GPR141: variants seen among roughly 807,000 people sequenced by gnomAD.
GPR141 encodes the protein probable G protein-coupled receptor 141.
GPR141 carries 6 observed loss-of-function variants against 6.8 expected under a neutral mutation model. That is an observed-to-expected ratio of 0.88 (90% CI 0.48 to 1.74). GPR141 has a LOEUF of 1.74. Among genes scored for constraint, GPR141 ranks in the 40% most tolerant of loss-of-function variants. The pLI, the probability that GPR141 is intolerant of heterozygous loss-of-function variation, is 0.01. For synonymous variants in GPR141, 140 were observed against 142.3 expected (o/e 0.98, Z 0.11); for missense variants, 372 against 372.9 (o/e 1.00, Z 0.02).
chr7:37,709,584 A>C (rs1486201932), intron 2 of GPR141: 1 of 152,260 alleles, frequency 6.6e-6, no homozygotes, highest in Non-Finnish European at 1.5e-5. Context: ...TCTAATGAGC[A>C]ACATCACCTT....
chr7:37,688,039 T>C (rs1809588798), intron 2 of GPR141, among the ~76,000 whole-genome samples: 1 of 152,154 alleles, frequency 6.6e-6, no homozygotes, highest in African/African-American at 2.4e-5. Context: ...AGCTTGGCTG[T>C]GATCAGATAA....
At chr7:37,696,153 A>C (rs1283566276) in intron 2 of GPR141, among the ~76,000 whole-genome samples, 1 of 152,188 alleles carries the variant, frequency 6.6e-6, no homozygotes, top group Non-Finnish European at 1.5e-5. Flanking sequence ...ACAGACTCTG[A>C]ATCTTGAGTT....
intron 2 of GPR141, among the ~76,000 whole-genome samples, chr7:37,699,944 G>A (rs1810205665): frequency 1.3e-5 from 2 of 152,188 alleles, no homozygotes; most frequent in South Asian, 4.1e-4. Flanking sequence ...GGCCAAAGTG[G>A]TTATTGAATA....
intron 2 of GPR141, among the ~76,000 whole-genome samples, chr7:37,725,852 C>A (rs1221645273): frequency 4.8e-5 from 7 of 144,546 alleles, no homozygotes; most frequent in South Asian, 2.2e-4. Context: ...TTTTTTTTTT[C>A]CTTCCTGCCT....
intron 2 of GPR141, among the ~76,000 whole-genome samples, chr7:37,726,093 T>C (rs983066219): frequency 3.3e-5 from 5 of 152,170 alleles, no homozygotes; most frequent in African/African-American, 1.2e-4. Flanking sequence ...TGGAAACCAA[T>C]GGGTGTTTTA....
intron 2 of GPR141, among the ~76,000 whole-genome samples, chr7:37,732,480 T>C (rs1812015720): frequency 6.6e-6 from 1 of 152,104 alleles, no homozygotes; most frequent in African/African-American, 2.4e-5. Context: ...GCAGATCATC[T>C]GAAAGTCTTG....
chr7:37,695,094 T>G (rs1374597167), intron 2 of GPR141, among the ~76,000 whole-genome samples: 1 of 152,190 alleles, frequency 6.6e-6, no homozygotes, highest in Non-Finnish European at 1.5e-5. Flanking sequence ...CAGCTTCAGC[T>G]TTAGCTCCAG....
At chr7:37,726,268 A>G (rs1811620236) in intron 2 of GPR141, among the ~76,000 whole-genome samples, 1 of 152,214 alleles carries the variant, frequency 6.6e-6, no homozygotes. Flanking sequence ...GTGAGAAGCC[A>G]TTGGAGGATT....
In GPR141 at chr7:37,720,738, C is replaced by CAA. The variant is rs543342332; in HGVS notation, c.-14-19625_-14-19624dup. 3.9e-3 allele frequency among the ~76,000 whole-genome samples: 229 copies of CAA among 58,666 alleles called. 2 individuals are homozygous for CAA. The highest frequency in any genetic ancestry group is 0.019 in the East Asian group (44 of 2,262). 38.5% of individuals were successfully genotyped at this position (58,666 alleles called of 152,430 possible). A position where few individuals can be genotyped will look rare whatever the true frequency, so the allele number is the denominator to read the frequency against. ...GCTGGGCAAAAGCCAGACTCCGTCT[C>CAA]AAAAAAAAAAAAAAAAAAGAGAAAT... On this transcript the variant is annotated intron_variant, in intron 2 of 2. Coordinates refer to ENST00000334425, the MANE Select transcript of GPR141 (RefSeq NM_001381946.1).
chr7:37,689,205 T>G (rs998333890), intron 2 of GPR141, among the ~76,000 whole-genome samples: 1 of 152,178 alleles, frequency 6.6e-6, no homozygotes, highest in African/African-American at 2.4e-5. Flanking sequence ...TCGATTTGCA[T>G]ATGTCAAACT....
chr7:37,706,247 G>T (rs1011336898), intron 2 of GPR141, among the ~76,000 whole-genome samples: 5 of 152,192 alleles, frequency 3.3e-5, no homozygotes, highest in Non-Finnish European at 7.4e-5. Context: ...GGACTCTACG[G>T]ATGCATAGAA....
Position 37,740,992 on chromosome 7 carries a change from AG to A in GPR141, c.601del (p.Val201SerfsTer6). ...IAVAVILLVF[Q>X]VFIIMLMVQK... is the part of the protein sequence containing the mutation. ...GTTGCTGTGATTCTGTTGGTCTTCC[AG>A]GTCTTCATCATTATGTTGATGGTGC... On this transcript the variant is annotated frameshift_variant, in exon 3 of 3. Transcript: ENST00000334425. LOFTEE classifies it high-confidence loss of function. The A allele has an allele frequency of 6.2e-7, 1 of 1,613,986 alleles. No individual in the cohort carries two copies. The highest frequency in any genetic ancestry group is 8.5e-7 in the Non-Finnish European group (1 of 1,179,878).
intron 2 of GPR141, among the ~76,000 whole-genome samples, chr7:37,706,820 A>G (rs976417457): frequency 2.0e-5 from 3 of 152,040 alleles, no homozygotes; most frequent in African/African-American, 7.2e-5. Context: ...TTTCACATAC[A>G]TTTTCTTTTC....
rs747553664 is a variant in GPR141, at chr7:37,740,938, A to T, written c.545A>T (p.Asn182Ile). The change falls in exon 3 of 3, where the codon AAC becomes ATC. Residue 182 changes from asparagine to isoleucine, a missense_variant. Coordinates refer to ENST00000334425, the MANE Select transcript of GPR141 (RefSeq NM_001381946.1). ...GCTTACACATATGTGAAAATCATCA[A>T]CTATATGATAGTCATTTTTGTCATA... ...ELAYTYVKII[N>I]YMIVIFVIAV... The T allele has an allele frequency of 1.9e-6, 3 of 1,614,042 alleles. No homozygotes were observed. The East Asian group carries it at 6.7e-5, about 36-fold the overall frequency.
chr7:37,684,560 A>G (rs1408378539), intron 1 of GPR141, among the ~76,000 whole-genome samples: 5 of 152,222 alleles, frequency 3.3e-5, no homozygotes, highest in Non-Finnish European at 4.4e-5. Context: ...AATACTTTCT[A>G]TACCAGTATT....
intron 2 of GPR141, among the ~76,000 whole-genome samples, chr7:37,739,486 G>C (rs374988361): frequency 1.3e-5 from 2 of 152,302 alleles, no homozygotes; most frequent in African/African-American, 4.8e-5. Flanking sequence ...GACATGTAAG[G>C]CTATCAATCT....
At chr7:37,724,276 G>T (rs1055389716) in intron 2 of GPR141, among the ~76,000 whole-genome samples, 15 of 151,952 alleles carry the variant, frequency 9.9e-5, no homozygotes, top group African/African-American at 3.6e-4. Flanking sequence ...ACTTGAAACT[G>T]CCTAAAAAAT....
chr7:37,732,975 G>T (rs530220633), intron 2 of GPR141, among the ~76,000 whole-genome samples: 3 of 152,210 alleles, frequency 2.0e-5, no homozygotes, highest in African/African-American at 7.2e-5. Context: ...AGGCTTTAAA[G>T]TCAGGCAGAT....
rs149509463 is a variant in GPR141, at chr7:37,719,642, C to T, written c.-14-20738C>T. Among the ~76,000 whole-genome samples the T allele has an allele frequency of 3.4e-3, 523 of 152,238 alleles. 4 individuals carry two copies. The highest frequency in any genetic ancestry group is 0.012 in the African/African-American group (500 of 41,538). The stretch of plus-strand genomic sequence containing the variant: ...TTATTGTTGTAAGGGACTAAACTGT[C>T]TAATCTTAGAGTTCGCCTTGGCCAT... On this transcript the variant is annotated intron_variant, in intron 2 of 2. Transcript: ENST00000334425.
Sources: allele counts gnomAD v4.1 joint callset (sites outside exome capture counted in the v4.1 genomes callset), GRCh38; gene constraint gnomAD v4.1.1; transcripts MANE v1.5; gene names NCBI Gene and HGNC (gene_info 2026-07-23, HGNC 2026-07-21).